Variants in FYB2 observed in about 807,000 individuals in gnomAD.
The protein encoded by FYB2 is FYN binding protein 2.
A neutral mutation model predicts 94.1 loss-of-function variants in FYB2; 103 were observed. The ratio of observed to expected loss-of-function variants is 1.09; its 90% CI spans 0.93 to 1.29. FYB2 has a LOEUF of 1.29. FYB2 is among the 50% of genes most tolerant of loss of function. FYB2 has a pLI of 0.00. For synonymous variants in FYB2, 293 were observed against 287.9 expected (o/e 1.02, Z -0.18); for missense variants, 896 against 841.5 (o/e 1.06, Z -0.80).
Position 56,753,711 on chromosome 1 carries a change from A to G in FYB2, c.1227+128T>C, listed in dbSNP as rs1645256185. 4 of 646,712 alleles carry G rather than the reference A, an allele frequency of 6.2e-6. No individual in the cohort carries two copies. In the South Asian group the frequency reaches 8.0e-5, roughly 13 times the overall value. 40.1% of individuals were successfully genotyped at this position (646,712 alleles called of 1,614,324 possible). A position where few individuals can be genotyped will look rare whatever the true frequency, so the allele number is the denominator to read the frequency against. On this transcript the variant is annotated intron_variant, in intron 8 of 19. Coordinates refer to ENST00000343433, the MANE Select transcript of FYB2 (RefSeq NM_001004303.5). ...TCATTGTTACATTTATTTCCTTGAT[A>G]CAATATCAAATGCCCATTGCCTTTT...
At chr1:56,750,886 G>A (rs1406182600) in intron 9 of FYB2, among the ~76,000 whole-genome samples, 158 bp downstream of exon 9, 1 of 151,978 alleles carries the variant, frequency 6.6e-6, no homozygotes, top group Non-Finnish European at 1.5e-5. Context: ...TCAATTCAGT[G>A]TTTTTTTCCA....
intron 1 of FYB2, among the ~76,000 whole-genome samples, chr1:56,798,636 T>C (rs1309736397): frequency 6.6e-6 from 1 of 152,060 alleles, no homozygotes; most frequent in East Asian, 1.9e-4. Context: ...GTTACAGGAA[T>C]CTAAGGAATA....
intron 17 of FYB2, chr1:56,720,838 G>A (rs1031961202): frequency 6.6e-6 from 1 of 152,572 alleles, no homozygotes; most frequent in African/African-American, 2.4e-5. Flanking sequence ...GAGCCCTGCT[G>A]GATGAGGTTG....
At chr1:56,808,264 T>C (rs1646690000) in intron 1 of FYB2, among the ~76,000 whole-genome samples, 1 of 152,144 alleles carries the variant, frequency 6.6e-6, no homozygotes, top group African/African-American at 2.4e-5. Context: ...ATAGCAGAAC[T>C]AGACCCACTG....
chr1:56,779,170 A>G (rs1033352315), intron 4 of FYB2, among the ~76,000 whole-genome samples: 1 of 152,196 alleles, frequency 6.6e-6, no homozygotes. Flanking sequence ...ATAAGAATAT[A>G]TATAGGTATA....
chr1:56,799,956 GAT>G (rs1432899023), intron 1 of FYB2, among the ~76,000 whole-genome samples: 1 of 152,184 alleles, frequency 6.6e-6, no homozygotes, highest in Non-Finnish European at 1.5e-5. Context: ...AAAAGGAGAA[GAT>G]ACTATTTCTA....
chr1:56,748,800 T>C (rs1248099960), intron 9 of FYB2, among the ~76,000 whole-genome samples: 1 of 152,026 alleles, frequency 6.6e-6, no homozygotes, highest in African/African-American at 2.4e-5. Flanking sequence ...TGCTTAACTT[T>C]TTTTCTTGCA....
intron 4 of FYB2, among the ~76,000 whole-genome samples, chr1:56,781,981 G>A (rs1646019507): frequency 6.6e-6 from 1 of 152,090 alleles, no homozygotes; most frequent in South Asian, 2.1e-4. Flanking sequence ...ATCTCAGAGA[G>A]GTCTTTCTTT....
intron 16 of FYB2, among the ~76,000 whole-genome samples, chr1:56,724,345 C>T (rs1251729324): frequency 6.6e-6 from 1 of 152,090 alleles, no homozygotes; most frequent in Non-Finnish European, 1.5e-5. Flanking sequence ...TGATTATACT[C>T]TTAGTCCTCC....
upstream of FYB2, chr1:56,824,467 T>A (rs1647012534): frequency 6.6e-6 from 1 of 152,168 alleles, no homozygotes; most frequent in Non-Finnish European, 1.5e-5. Flanking sequence ...GTATGTGACT[T>A]ATGACTCATA....
upstream of FYB2, among the ~76,000 whole-genome samples, chr1:56,820,827 CAT>C (rs2101139425): frequency 6.6e-6 from 1 of 152,338 alleles, no homozygotes; most frequent in East Asian, 1.9e-4. Context: ...CCTCAACACA[CAT>C]ACACATCAGC....
At chr1:56,753,084 C>A (rs1645238977) in intron 8 of FYB2, among the ~76,000 whole-genome samples, 1 of 152,052 alleles carries the variant, frequency 6.6e-6, no homozygotes, top group Admixed American at 6.6e-5. Context: ...CCAGTTCAGG[C>A]TCATACAGCC....
intron 4 of FYB2, among the ~76,000 whole-genome samples, chr1:56,783,679 T>C (rs1046896597): frequency 6.6e-6 from 1 of 152,144 alleles, no homozygotes; most frequent in African/African-American, 2.4e-5. Context: ...GACTTTGAAA[T>C]AAATAAATAA....
At chr1:56,798,178 A>AT (rs1646443283) in intron 1 of FYB2, among the ~76,000 whole-genome samples, 1 of 152,326 alleles carries the variant, frequency 6.6e-6, no homozygotes, top group African/African-American at 2.4e-5. Context: ...CAGAATCTTA[A>AT]TTTTTTCCTG....
chr1:56,753,804 A>T (rs766476057), intron 8 of FYB2, 35 bp downstream of exon 8: 1 of 1,451,834 alleles, frequency 6.9e-7, no homozygotes, highest in South Asian at 1.1e-5. Context: ...GATCTGTTAT[A>T]TGTCTAAACT....
Position 56,723,638 on chromosome 1 carries a change from C to T in FYB2, c.1924G>A (p.Glu642Lys). The change falls in exon 17 of 20, where the codon GAA (glutamate) becomes AAA (lysine). Residue 642 changes from glutamate (E) to lysine (K), a missense_variant. Coordinates refer to ENST00000343433, the MANE Select transcript of FYB2 (RefSeq NM_001004303.5). ...TCTTCTCTTTTCATTCTGTTCTTTTCTAAGTTTTGCTTCTTGGTTTTGAAG... is the reference window on the plus strand; with the variant it reads ...TCTTCTCTTTTCATTCTGTTCTTTTTTAAGTTTTGCTTCTTGGTTTTGAAG... ...NFFKTKKQNL[E>K]KNRMKREEKL... is the part of the protein sequence containing the mutation. The T allele has an allele frequency of 6.4e-7, 1 of 1,571,232 alleles. No individual in the cohort carries two copies. Among genetic ancestry groups the T allele is most frequent in the Non-Finnish European group, 8.7e-7 (1 of 1,145,818 alleles).
rs1569917219 is a variant in FYB2, at chr1:56,738,482, C to T, written c.1732+143G>A. 2.1e-5 allele frequency: 17 copies of T among 813,674 alleles called. No individual in the cohort carries two copies. The Admixed American group carries it at 2.4e-4, about 11-fold the overall frequency. The allele number at this position is 813,674 out of a possible 1,614,324, so 50.4% of individuals were successfully genotyped here. A position where few individuals can be genotyped will look rare whatever the true frequency, so the allele number is the denominator to read the frequency against. The stretch of plus-strand genomic sequence containing the variant: ...CTTCTCCAAAGTAAAAAAATACTTC[C>T]GTGTGAAACATCTTCTTTGATTTTG... On this transcript the variant is annotated intron_variant, in intron 14 of 19. Coordinates refer to ENST00000343433, the MANE Select transcript of FYB2 (RefSeq NM_001004303.5).
intron 4 of FYB2, among the ~76,000 whole-genome samples, chr1:56,768,599 G>A (rs938156700): frequency 6.6e-6 from 1 of 152,160 alleles, no homozygotes; most frequent in Admixed American, 6.5e-5. Context: ...CAAAATTGAT[G>A]ATTGAAATTC....
rs1646955730 is a variant in FYB2 at position 56,819,177 on chromosome 1, G to A, written c.9+105C>T. On this transcript the variant is annotated intron_variant, in intron 1 of 19. Coordinates refer to ENST00000343433, the MANE Select transcript of FYB2 (RefSeq NM_001004303.5). Reference sequence around the variant, plus strand: ...CTGACATGTTTATTCCTGCCCAGGAGGCAGCACACACAAGCAGTTTTTCCC... The same window carrying A: ...CTGACATGTTTATTCCTGCCCAGGAAGCAGCACACACAAGCAGTTTTTCCC... 5 of 1,475,318 alleles carry A rather than the reference G, an allele frequency of 3.4e-6. No individual in the cohort carries two copies. The African/African-American group carries it at 4.2e-5, about 12-fold the overall frequency. The allele number at this position is 1,475,318 out of a possible 1,614,324, so 91.4% of individuals were successfully genotyped here. A position where few individuals can be genotyped will look rare whatever the true frequency, so the allele number is the denominator to read the frequency against.
Sources: gnomAD v4.1 joint callset for allele counts (sites outside exome capture counted in the v4.1 genomes callset) on GRCh38, gnomAD v4.1.1 for gene constraint, MANE v1.5 for transcripts, NCBI Gene and HGNC (gene_info 2026-07-23, HGNC 2026-07-21) for gene names.